MAP3K19: variants seen among roughly 807,000 people sequenced by gnomAD.
MAP3K19 encodes SPS1/STE20-related protein kinase YSK4.
Under a neutral mutation model 114.4 loss-of-function variants are expected in MAP3K19, and 91 were observed. The observed-to-expected ratio is 0.80, with a 90% CI of 0.67 to 0.95. The LOEUF (loss-of-function observed/expected upper bound fraction) is 0.95. Among genes scored for constraint, MAP3K19 ranks in the 40% least tolerant of loss-of-function variants. The pLI is 0.00. For synonymous variants in MAP3K19, 518 were observed against 530.5 expected (o/e 0.98, Z 0.32); for missense variants, 1,471 against 1,573.2 (o/e 0.94, Z 1.10).
intron 8 of MAP3K19, among the ~76,000 whole-genome samples, chr2:134,996,909 C>T (rs1031140535): frequency 6.6e-6 from 1 of 151,954 alleles, no homozygotes; most frequent in African/African-American, 2.4e-5. Context: ...ACTAGCCAGG[C>T]GTGGTGGCAT....
At chr2:135,022,945 C>T (rs1574043176) in intron 4 of MAP3K19, among the ~76,000 whole-genome samples, 1 of 152,242 alleles carries the variant, frequency 6.6e-6, no homozygotes, top group African/African-American at 2.4e-5. Context: ...TAACACCAAA[C>T]AGCAGACTCC....
chr2:134,985,912 G>A lies in MAP3K19; in HGVS notation c.2960C>T (p.Ser987Phe). Residue 987 changes from serine (S) to phenylalanine (F), a missense_variant, in exon 10 of 13, where the codon TCT becomes TTT. Transcript: ENST00000392915. Reference protein sequence around the residue: ...LLALDEKDNNSCQKMANETDP... With the variant: ...LLALDEKDNNFCQKMANETDP... ...TGTTTCATTTGCCATTTTTTGGCAA[G>A]AGTTGTTATCTTTCTCATCAAGAGC... 1 of 1,614,030 alleles carries A rather than the reference G, an allele frequency of 6.2e-7. No individual in the cohort carries two copies. The highest frequency in any genetic ancestry group is 8.5e-7 in the Non-Finnish European group (1 of 1,179,946).
chr2:134,987,932 C>T lies in MAP3K19; in HGVS notation c.940G>A (p.Glu314Lys). The change falls in exon 10 of 13, where the codon GAA becomes AAA. Residue 314 changes from glutamate to lysine, a missense_variant. Physicochemically the swap from Glu to Lys is moderately conservative, Grantham distance 56. Transcript: ENST00000392915. ...GTGATTTCAATTTTGTTACATTCTT[C>T]TATTTCCTTGGATTTCCAGTTTTCC... ...KEENWKSKEI[E>K]ECNKIEITHF... 6.2e-7 allele frequency: 1 copy of T among 1,614,190 alleles called. No homozygotes were observed. The highest frequency in any genetic ancestry group is 8.5e-7 in the Non-Finnish European group (1 of 1,180,038).
At chr2:134,967,067 C>A (rs1187860921) in intron 12 of MAP3K19, among the ~76,000 whole-genome samples, 1 of 152,184 alleles carries the variant, frequency 6.6e-6, no homozygotes, top group Non-Finnish European at 1.5e-5. Context: ...CAACCTGAAG[C>A]TCACAAAAGC....
At chr2:135,002,451 A>C (rs1686510674) in intron 6 of MAP3K19, among the ~76,000 whole-genome samples, 1 of 151,416 alleles carries the variant, frequency 6.6e-6, no homozygotes, top group Admixed American at 6.6e-5. Flanking sequence ...TTATTTGTTA[A>C]ATTTCCGTGG....
intron 3 of MAP3K19, among the ~76,000 whole-genome samples, chr2:135,025,372 CTTTTCTTTTTTTTTTT>C (rs1230189782): frequency 1.4e-5 from 1 of 70,138 alleles, no homozygotes; most frequent in Non-Finnish European, 2.6e-5. Flanking sequence ...ATGGCCTTTT[CTTTTCTTTTTTTTTTT>C]TTTTTTTTTT....
chr2:135,039,046 G>C (rs1688592239), intron 2 of MAP3K19, among the ~76,000 whole-genome samples: 1 of 151,710 alleles, frequency 6.6e-6, no homozygotes, highest in Admixed American at 6.6e-5. Context: ...TACAGAGAGG[G>C]CTTTTGAGGC....
At chr2:135,023,843 T>G (rs1156730112) in intron 4 of MAP3K19, among the ~76,000 whole-genome samples, 1 of 152,188 alleles carries the variant, frequency 6.6e-6, no homozygotes, top group Non-Finnish European at 1.5e-5. Context: ...TTAATATTCC[T>G]AAAACATGGC....
chr2:134,988,090 G>T lies in MAP3K19; in HGVS notation c.782C>A (p.Ser261Ter). 1 of 1,613,932 alleles carries T rather than the reference G, an allele frequency of 6.2e-7. No individual in the cohort carries two copies. The highest frequency in any genetic ancestry group is 8.5e-7 in the Non-Finnish European group (1 of 1,179,906). Residue 261 changes from serine to a stop codon, truncating the protein, a stop_gained, in exon 10 of 13, where the codon TCA becomes TAA. Transcript: ENST00000392915. LOFTEE classifies it high-confidence loss of function. ...SVRQSDELSP[S>*]NEPPGALVKS... ...AACTAGGGCTCCCGGAGGCTCGTTT[G>T]ATGGGCTGAGCTCATCAGATTGACG...
At chr2:134,983,113 A>G (rs1684819502) in intron 11 of MAP3K19, 1 of 480,538 alleles carries the variant, frequency 2.1e-6, no homozygotes, top group Non-Finnish European at 4.3e-6. Flanking sequence ...TGTTAACTAT[A>G]GTCACCCTAC....
chr2:135,021,174 A>G (rs1023196876), intron 5 of MAP3K19, among the ~76,000 whole-genome samples: 2 of 152,042 alleles, frequency 1.3e-5, no homozygotes, highest in South Asian at 4.2e-4. Flanking sequence ...TTAACTACCA[A>G]TGTGATGGCA....
chr2:134,975,799 G>A (rs1029257742), intron 12 of MAP3K19, among the ~76,000 whole-genome samples: 4 of 152,204 alleles, frequency 2.6e-5, no homozygotes, highest in African/African-American at 7.2e-5. Context: ...TTGCTGAAGC[G>A]GGTGGGGTCA....
intron 12 of MAP3K19, among the ~76,000 whole-genome samples, chr2:134,969,962 G>A (rs1405510405): frequency 6.6e-6 from 1 of 151,362 alleles, no homozygotes; most frequent in East Asian, 1.9e-4. Flanking sequence ...CTGTTCTATT[G>A]GTTTATGTGT....
At chr2:134,974,283 G>A (rs918370568) in intron 12 of MAP3K19, among the ~76,000 whole-genome samples, 26 of 152,260 alleles carry the variant, frequency 1.7e-4, no homozygotes, top group African/African-American at 5.3e-4. Flanking sequence ...TTACAGGTGC[G>A]AGCCACTATG....
intron 2 of MAP3K19, among the ~76,000 whole-genome samples, chr2:135,036,794 AGAAGAAAAACCAGGAGGAGGTCAAG>A: frequency 6.6e-6 from 1 of 152,152 alleles, no homozygotes; most frequent in South Asian, 2.1e-4. Context: ...CAGAGAGGTA[AGAAGAAAAACCAGGAGGAGGTCAAG>A]GAAGAAAATA....
intron 12 of MAP3K19, chr2:134,980,610 T>C: frequency 3.6e-6 from 2 of 549,298 alleles, no homozygotes; most frequent in Non-Finnish European, 6.5e-6. Flanking sequence ...TGAGGCACTT[T>C]CTACTTGAAG....
chr2:134,994,417 C>T (rs1249752421), intron 8 of MAP3K19, among the ~76,000 whole-genome samples: 1 of 152,182 alleles, frequency 6.6e-6, no homozygotes, highest in African/African-American at 2.4e-5. Context: ...CCTGCCCTGT[C>T]CCCTATGAGG....
chr2:134,983,712 G>A lies in MAP3K19; in HGVS notation c.3186C>T (p.Thr1062=). 1 of 1,586,574 alleles carries A rather than the reference G, an allele frequency of 6.3e-7. No homozygotes were observed. The highest frequency in any genetic ancestry group is 8.5e-7 in the Non-Finnish European group (1 of 1,171,804). The change falls in exon 11 of 13, where the codon ACC becomes ACT. Residue 1062 remains threonine (T), a synonymous_variant. Transcript: ENST00000392915. ...SLKSEEPILW[T]KGEILGKGAY... ...CTCCCTTTCCAAGAATCTCACCCTT[G>A]GTCCATAGGATAGGTTCTTCAGACT...
chr2:135,003,735 G>A (rs1686615818), intron 6 of MAP3K19, among the ~76,000 whole-genome samples: 1 of 151,910 alleles, frequency 6.6e-6, no homozygotes, highest in Non-Finnish European at 1.5e-5. Flanking sequence ...TGTATTTTTA[G>A]TAGAGACGGG....
Sources: gnomAD v4.1 joint callset for allele counts (sites outside exome capture counted in the v4.1 genomes callset) on GRCh38, gnomAD v4.1.1 for gene constraint, MANE v1.5 for transcripts, NCBI Gene and HGNC (gene_info 2026-07-23, HGNC 2026-07-21) for gene names.